Variants in TRAPPC10 observed in about 807,000 individuals in gnomAD.
TRAPPC10 encodes TRAPP 130 kDa subunit.
A neutral mutation model predicts 125.5 loss-of-function variants in TRAPPC10; 23 were observed. That is an observed-to-expected ratio of 0.18 (90% CI 0.13 to 0.26). The LOEUF (loss-of-function observed/expected upper bound fraction) is 0.26. Ranked by LOEUF, TRAPPC10 falls within the 10% of genes least tolerant of loss-of-function variation. TRAPPC10 has a pLI of 1.00. For missense variants in TRAPPC10, 1,123 were observed against 1,308.4 expected (o/e 0.86, Z 2.19); for synonymous variants, 509 against 518.0 (o/e 0.98, Z 0.24).
chr21:44,065,287 C>T (rs1295537956), intron 7 of TRAPPC10, among the ~76,000 whole-genome samples: 4 of 152,120 alleles, frequency 2.6e-5, no homozygotes, highest in African/African-American at 9.7e-5. Flanking sequence ...TTCACAGGAG[C>T]CATACGGGGT....
intron 3 of TRAPPC10, among the ~76,000 whole-genome samples, chr21:44,045,583 G>A (rs528770219): frequency 4.0e-5 from 6 of 150,810 alleles, no homozygotes; most frequent in African/African-American, 9.8e-5. Context: ...AGAGAGTCTC[G>A]CACTGTTGCC....
chr21:44,075,819 G>A (rs575565670), intron 9 of TRAPPC10, among the ~76,000 whole-genome samples: 6 of 152,326 alleles, frequency 3.9e-5, no homozygotes, highest in African/African-American at 1.4e-4. Flanking sequence ...GGAGGCCGAG[G>A]TGGGCGGATC....
rs2037092649 is a variant in TRAPPC10 at position 44,074,096 on chromosome 21, C to G, written c.1039-228C>G. 6.6e-5 allele frequency among the ~76,000 whole-genome samples: 10 copies of G among 152,178 alleles called. No individual in the cohort carries two copies. The South Asian group carries it at 2.1e-3, about 31-fold the overall frequency. On this transcript the variant is annotated intron_variant, in intron 7 of 22. Transcript: ENST00000291574. ...GAAAGTTATACATAAAACCTGATAA[C>G]ACATTTGAATATAGGTCACACTGCT...
In TRAPPC10 at chr21:44,041,376, TCTTTA is replaced by T. The variant is rs537724392; in HGVS notation, c.285+3454_285+3458del. 3.6e-3 allele frequency among the ~76,000 whole-genome samples: 551 copies of T among 152,290 alleles called. 2 individuals are homozygous for T. The highest frequency in any genetic ancestry group is 0.011 in the African/African-American group (464 of 41,554). ...TCATTGAGGTATATTAAGTGGTCTT[TCTTTA>T]CTTTTTTTTTTTGCGATGGAGTTTC... is the stretch of plus-strand genomic sequence containing the variant. On this transcript the variant is annotated intron_variant, in intron 3 of 22. Coordinates refer to ENST00000291574, the MANE Select transcript of TRAPPC10 (RefSeq NM_003274.5).
At chr21:44,096,045 C>T (rs558126005) in intron 20 of TRAPPC10, among the ~76,000 whole-genome samples, 1 of 83,762 alleles carries the variant, frequency 1.2e-5, no homozygotes, top group East Asian at 3.2e-4. Flanking sequence ...CCCAGAGAGT[C>T]CCAGCTTCTG....
intron 1 of TRAPPC10, among the ~76,000 whole-genome samples, chr21:44,019,717 T>G (rs1030175175): frequency 6.6e-6 from 1 of 152,168 alleles, no homozygotes; most frequent in Non-Finnish European, 1.5e-5. Flanking sequence ...CCAAATAAGG[T>G]GACATTCACA....
chr21:44,051,865 C>T (rs1165495917), intron 3 of TRAPPC10, among the ~76,000 whole-genome samples: 1 of 152,204 alleles, frequency 6.6e-6, no homozygotes, highest in African/African-American at 2.4e-5. Flanking sequence ...CAGCTTGCCT[C>T]CTGAGATGAA....
chr21:44,037,926 G>C lies in TRAPPC10; in HGVS notation c.284G>C (p.Cys95Ser). 1 of 1,613,220 alleles carries C rather than the reference G, an allele frequency of 6.2e-7. No homozygotes were observed. Among genetic ancestry groups the C allele is most frequent in the Non-Finnish European group, 8.5e-7 (1 of 1,179,714 alleles). ...CTCCATATTTACTGGACAGAGTGCTGTGTGAGTACCAGCAGGGGAAGAGGA... is the reference window on the plus strand; with the variant it reads ...CTCCATATTTACTGGACAGAGTGCTCTGTGAGTACCAGCAGGGGAAGAGGA... ...PFLHIYWTEC[C>S]DTEVYKATVK... Residue 95 changes from cysteine (C) to serine (S), a missense_variant and splice_region_variant, in exon 3 of 23, where the codon TGT becomes TCT. Physicochemically the swap from Cys to Ser is moderately radical, Grantham distance 112. Transcript: ENST00000291574.
intron 1 of TRAPPC10, among the ~76,000 whole-genome samples, chr21:44,023,379 G>T (rs139523034): frequency 2.6e-5 from 4 of 152,084 alleles, no homozygotes; most frequent in Non-Finnish European, 4.4e-5. Context: ...GCATCTTTCA[G>T]AGGTGATCGG....
At chr21:44,045,718 A>T (rs1406661277) in intron 3 of TRAPPC10, among the ~76,000 whole-genome samples, 2 of 151,202 alleles carry the variant, frequency 1.3e-5, no homozygotes, top group African/African-American at 4.9e-5. Context: ...TGCCCAGCTA[A>T]TTTTTTTTGT....
In TRAPPC10 at chr21:44,074,409, G is replaced by C. The variant is rs144074948; in HGVS notation, c.1124G>C (p.Arg375Pro). The change falls in exon 8 of 23, where the codon CGG becomes CCG. Residue 375 changes from arginine to proline, a missense_variant. Arg to Pro is a moderately radical substitution (Grantham distance 103). Transcript: ENST00000291574. ...CAGAGGATAGAAGGCTGCTGTGACC[G>C]GGCACAGATCGACTCAAACATTGCC... ...VLQRIEGCCD[R>P]AQIDSNIAHT... 3.1e-6 allele frequency: 5 copies of C among 1,614,100 alleles called. No individual in the cohort carries two copies. Among genetic ancestry groups the C allele is most frequent in the Non-Finnish European group, 4.2e-6 (5 of 1,180,052 alleles).
chr21:44,085,149 C>A (rs1432632670), intron 15 of TRAPPC10, among the ~76,000 whole-genome samples: 1 of 152,176 alleles, frequency 6.6e-6, no homozygotes, highest in Non-Finnish European at 1.5e-5. Flanking sequence ...ACCCTCTAAT[C>A]CTGCCCTGGT....
intron 1 of TRAPPC10, among the ~76,000 whole-genome samples, chr21:44,026,364 T>C (rs189709474): frequency 6.6e-6 from 1 of 152,292 alleles, no homozygotes; most frequent in African/African-American, 2.4e-5. Context: ...GCCTCGACAT[T>C]ATACACGAAT....
intron 5 of TRAPPC10, among the ~76,000 whole-genome samples, chr21:44,058,203 C>G (rs2035754528): frequency 6.6e-6 from 1 of 152,154 alleles, no homozygotes; most frequent in Non-Finnish European, 1.5e-5. Flanking sequence ...AAAGGCCTGA[C>G]TGGGCTGGGG....
At chr21:44,089,714 A>G in intron 17 of TRAPPC10, 119 bp from the exon 18 acceptor site, 1 of 726,328 alleles carries the variant, frequency 1.4e-6, no homozygotes, top group Admixed American at 2.0e-5. Context: ...GAGTGGTTGA[A>G]GCCATAATAA....
chr21:44,040,801 A>G (rs2034364906), intron 3 of TRAPPC10, among the ~76,000 whole-genome samples: 1 of 147,082 alleles, frequency 6.8e-6, no homozygotes, highest in African/African-American at 2.5e-5. Flanking sequence ...TTTTTAGTAG[A>G]GATGGGATCT....
Position 44,083,740 on chromosome 21 carries a change from G to C in TRAPPC10, c.2239-382G>C, listed in dbSNP as rs115048090. On this transcript the variant is annotated intron_variant, in intron 14 of 22. Transcript: ENST00000291574. ...CTAACATAAAGTTTTCTCTGACACA[G>C]GATATCCTGTAAGTTCCACTAACTC... Among the ~76,000 whole-genome samples the C allele has an allele frequency of 2.3e-3, 347 of 152,306 alleles. 1 individual carries two copies. Among genetic ancestry groups the C allele is most frequent in the African/African-American group, 8.1e-3 (335 of 41,568 alleles).
chr21:44,083,787 A>G (rs563236296), intron 14 of TRAPPC10, among the ~76,000 whole-genome samples: 1 of 152,354 alleles, frequency 6.6e-6, no homozygotes, highest in South Asian at 2.1e-4. Flanking sequence ...GCCTGTGGAA[A>G]GTACAGCTAT....
rs201802374 is a variant in TRAPPC10 at position 44,089,839 on chromosome 21, A to G, written c.2776A>G (p.Ile926Val). Reference protein sequence around the residue: ...CMVTTDHKVSIDCPWSIYSTV... With the variant: ...CMVTTDHKVSVDCPWSIYSTV... ...CTTTGTGCTTCCTCCTCAGGTGTCG[A>G]TTGACTGCCCGTGGTCCATCTACTC... The change falls in exon 18 of 23, where the codon ATT (isoleucine) becomes GTT (valine). Residue 926 changes from isoleucine (I) to valine (V), a missense_variant. Physicochemically the swap from Ile to Val is conservative, Grantham distance 29. Around this residue, in one of 4 missense-constraint regions of TRAPPC10, gnomAD observed 840 missense variants for 902.0 expected, o/e 0.93. Coordinates refer to ENST00000291574, the MANE Select transcript of TRAPPC10 (RefSeq NM_003274.5). 6.2e-7 allele frequency: 1 copy of G among 1,613,492 alleles called. No individual in the cohort carries two copies. Among genetic ancestry groups the G allele is most frequent in the African/African-American group, 1.3e-5 (1 of 74,960 alleles).
Sources: allele counts gnomAD v4.1 joint callset (sites outside exome capture counted in the v4.1 genomes callset), GRCh38; gene constraint gnomAD v4.1.1; regional missense constraint gnomAD v4.1.1; transcripts MANE v1.5; gene names NCBI Gene and HGNC (gene_info 2026-07-23, HGNC 2026-07-21).